The following ARFGEF3 variants were observed in gnomAD, a reference collection of about 807,000 sequenced individuals.
ARFGEF3 encodes brefeldin A-inhibited guanine nucleotide-exchange protein 3.
Under a neutral mutation model 221.7 loss-of-function variants are expected in ARFGEF3, and 96 were observed. The ratio of observed to expected loss-of-function variants is 0.43; its 90% CI spans 0.37 to 0.51. The LOEUF is 0.51. Ranked by LOEUF, ARFGEF3 falls within the 20% of genes least tolerant of loss-of-function variation. The pLI is 0.00. For synonymous variants in ARFGEF3, 1,145 were observed against 1,126.8 expected (o/e 1.02, Z -0.32); for missense variants, 2,410 against 2,789.9 (o/e 0.86, Z 3.07).
rs78487666 is a variant in ARFGEF3 at position 138,274,011 on chromosome 6, G to A, written c.2129-4440G>A. Among the ~76,000 whole-genome samples, 1,340 of 152,290 alleles carry A rather than the reference G, an allele frequency of 8.8e-3. 20 individuals carry two copies. The highest frequency in any genetic ancestry group is 0.03 in the African/African-American group (1,249 of 41,542). On this transcript the variant is annotated intron_variant, in intron 12 of 33. Coordinates refer to ENST00000251691, the MANE Select transcript of ARFGEF3 (RefSeq NM_020340.5). Reference sequence around the variant, plus strand: ...CCTGCAACAAAGGTAACCTGACAAAGTCTTTCCTATTGGGTGTCTCCACCA... The same window carrying A: ...CCTGCAACAAAGGTAACCTGACAAAATCTTTCCTATTGGGTGTCTCCACCA...
chr6:138,286,543 A>G (rs888706143), intron 15 of ARFGEF3, among the ~76,000 whole-genome samples, 158 bp from the exon 16 acceptor site: 1 of 152,260 alleles, frequency 6.6e-6, no homozygotes, highest in Non-Finnish European at 1.5e-5. Flanking sequence ...TTATAAGAAC[A>G]AAGTGAAACA....
At chr6:138,302,175 A>G (rs1201707515) in intron 22 of ARFGEF3, among the ~76,000 whole-genome samples, 2 of 152,236 alleles carry the variant, frequency 1.3e-5, no homozygotes, top group Non-Finnish European at 2.9e-5. Context: ...CAGAGCCTTC[A>G]AAGTAGCTAT....
chr6:138,320,359 T>G (rs1459701996), intron 28 of ARFGEF3, among the ~76,000 whole-genome samples: 3 of 152,004 alleles, frequency 2.0e-5, no homozygotes, highest in African/African-American at 7.3e-5. Context: ...GAAGAGAAAT[T>G]TCTTAATATT....
rs547035367 is a variant in ARFGEF3, at chr6:138,214,790, A to T, written c.351+4749A>T. Among the ~76,000 whole-genome samples the T allele has an allele frequency of 2.6e-5, 4 of 152,174 alleles. No homozygotes were observed. In the South Asian group the frequency reaches 8.3e-4, roughly 32 times the overall value. ...AAAGAAGACTTTCAATCAGAGGGTT[A>T]AAAAAAATCAGTGAAGCCTGCTTCT... On this transcript the variant is annotated intron_variant, in intron 4 of 33. Transcript: ENST00000251691.
Position 138,334,292 on chromosome 6 carries a change from AT to A in ARFGEF3, c.5449del (p.Tyr1817IlefsTer21). 1 of 1,613,722 alleles carries A rather than the reference AT, an allele frequency of 6.2e-7. No individual in the cohort carries two copies. The part of the protein sequence containing the change: ...LYRQSAMSFN[I>X]YFHALVCAVL... ...CCGCCAGTCTGCGATGAGCTTTAAC[AT>A]TTATTTCCACGCCCTGGTGTGTGCT... On this transcript the variant is annotated frameshift_variant, in exon 33 of 34. Coordinates refer to ENST00000251691, the MANE Select transcript of ARFGEF3 (RefSeq NM_020340.5). LOFTEE classifies it high-confidence loss of function. This position sits in a 1 kb window ranked among gnomAD's most constrained non-coding sequence, Gnocchi z 5.1.
chr6:138,285,433 G>A (rs1020272596), intron 14 of ARFGEF3, among the ~76,000 whole-genome samples: 9 of 147,298 alleles, frequency 6.1e-5, no homozygotes, highest in Non-Finnish European at 8.9e-5. Flanking sequence ...CAGCCTGGGC[G>A]ACAGAGTGAG....
intron 31 of ARFGEF3, among the ~76,000 whole-genome samples, chr6:138,327,137 G>C (rs1049125755): frequency 6.0e-4 from 92 of 152,296 alleles, no homozygotes; most frequent in Middle Eastern, 6.8e-3. Flanking sequence ...GCATCAGCAA[G>C]AACAGCTAAT....
rs1779475310 is a variant in ARFGEF3 at position 138,294,663 on chromosome 6, A to C, written c.3502+537A>C. Among the ~76,000 whole-genome samples, 2 of 152,230 alleles carry C rather than the reference A, an allele frequency of 1.3e-5. 1 individual carries two copies. The highest frequency in any genetic ancestry group is 4.1e-4 in the South Asian group (2 of 4,832). ...GTCTCCAATGAGGCCAGGTGAAGAAATAAGGCCCTCTTGAAGGCCAGTCTT... is the reference window on the plus strand; with the variant it reads ...GTCTCCAATGAGGCCAGGTGAAGAACTAAGGCCCTCTTGAAGGCCAGTCTT... On this transcript the variant is annotated intron_variant, in intron 20 of 33. Transcript: ENST00000251691.
Position 138,262,892 on chromosome 6 carries a change from A to T in ARFGEF3, c.1409A>T (p.Asp470Val). The T allele has an allele frequency of 6.2e-7, 1 of 1,613,370 alleles. No homozygotes were observed. Among genetic ancestry groups the T allele is most frequent in the Non-Finnish European group, 8.5e-7 (1 of 1,179,570 alleles). ...ELKDGAEWSR[D>V]SMEINEADFR... ...AAGGATGGGGCTGAGTGGAGCCGAG[A>T]TTCCATGGAGATCAATGAGGCTGAC... is the stretch of plus-strand genomic sequence containing the variant. The change falls in exon 12 of 34, where the codon GAT becomes GTT. Residue 470 changes from aspartate (D) to valine (V), a missense_variant. Asp to Val is a radical substitution (Grantham distance 152). Around this residue, in one of 5 missense-constraint regions of ARFGEF3, gnomAD observed 570 missense variants for 586.9 expected, o/e 0.97. Transcript: ENST00000251691.
chr6:138,286,381 C>T (rs1199770107), intron 15 of ARFGEF3, among the ~76,000 whole-genome samples: 3 of 147,498 alleles, frequency 2.0e-5, no homozygotes, highest in Middle Eastern at 3.2e-3. Context: ...ACCCGGGAGG[C>T]GGAGCTTTCA....
At chr6:138,197,760 C>T (rs749658599) in intron 2 of ARFGEF3, among the ~76,000 whole-genome samples, 3 of 152,162 alleles carry the variant, frequency 2.0e-5, no homozygotes, top group Non-Finnish European at 2.9e-5. Context: ...GCTCTCAGCA[C>T]GGTGACTGGC....
chr6:138,335,375 C>T (rs203142), intron 33 of ARFGEF3, among the ~76,000 whole-genome samples, 187 bp downstream of exon 33: 18,954 of 152,124 alleles, frequency 0.12, 1,436 homozygotes, highest in Middle Eastern at 0.18. Flanking sequence ...ATCAGTATGT[C>T]ATTATGAAGC....
chr6:138,253,842 C>A (rs769858035), intron 8 of ARFGEF3, 38 bp from the exon 9 acceptor site: 1 of 1,496,584 alleles, frequency 6.7e-7, no homozygotes, highest in South Asian at 1.2e-5. Context: ...TTTGCCTTGT[C>A]TTTTGTCTGC....
intron 10 of ARFGEF3, among the ~76,000 whole-genome samples, chr6:138,256,807 C>T (rs1778690911): frequency 6.6e-6 from 1 of 151,196 alleles, no homozygotes; most frequent in Non-Finnish European, 1.5e-5. Flanking sequence ...TATTTTGAGA[C>T]AGAGTCTCAC....
chr6:138,205,434 G>C (rs1052037229), intron 2 of ARFGEF3, among the ~76,000 whole-genome samples: 1 of 152,138 alleles, frequency 6.6e-6, no homozygotes, highest in Non-Finnish European at 1.5e-5. Context: ...ATGAAGTTCT[G>C]TGCTGCTTCT....
chr6:138,270,853 G>A (rs546676057), intron 12 of ARFGEF3, among the ~76,000 whole-genome samples: 3 of 152,304 alleles, frequency 2.0e-5, no homozygotes, highest in African/African-American at 7.2e-5. Context: ...TGGCATGGCT[G>A]TCAAGACTCT....
At position 138,291,239 on chromosome 6, in the gene ARFGEF3, G is replaced by A. The variant is rs1045487415; in HGVS notation, c.3048-494G>A. On this transcript the variant is annotated intron_variant, in intron 18 of 33. Coordinates refer to ENST00000251691, the MANE Select transcript of ARFGEF3 (RefSeq NM_020340.5). This position sits in a 1 kb window ranked among gnomAD's most constrained non-coding sequence, Gnocchi z 4.5. Reference sequence around the variant, plus strand: ...CAGACTTGAGTTATGTGGCGCCGTCGGGACCAGGCAGGACGTGGCTGGGCA... The same window carrying A: ...CAGACTTGAGTTATGTGGCGCCGTCAGGACCAGGCAGGACGTGGCTGGGCA... Among the ~76,000 whole-genome samples, 6 of 152,162 alleles carry A rather than the reference G, an allele frequency of 3.9e-5. No homozygotes were observed. The highest frequency in any genetic ancestry group is 9.7e-5 in the African/African-American group (4 of 41,436).
At position 138,323,641 on chromosome 6, in the gene ARFGEF3, A is replaced by AC. The variant is rs1562216346; in HGVS notation, c.4767-30_4767-29insC. The AC allele has an allele frequency of 5.0e-6, 8 of 1,599,320 alleles. No homozygotes were observed. In the African/African-American group the frequency reaches 5.4e-5, roughly 11 times the overall value. The stretch of plus-strand genomic sequence containing the variant: ...AAACAAACAACAACAACAACAAAAA[A>AC]AAAACTCCTTTACTTGTTTCTTTTG... On this transcript the variant is annotated intron_variant, in intron 29 of 33. Coordinates refer to ENST00000251691, the MANE Select transcript of ARFGEF3 (RefSeq NM_020340.5).
chr6:138,290,570 A>G (rs1475411736), intron 18 of ARFGEF3, among the ~76,000 whole-genome samples: 2 of 152,226 alleles, frequency 1.3e-5, no homozygotes, highest in Non-Finnish European at 2.9e-5. Flanking sequence ...GAAAACCAGC[A>G]ATAGCTCCAG....
Sources: gnomAD v4.1 joint callset for allele counts (sites outside exome capture counted in the v4.1 genomes callset) on GRCh38, gnomAD v4.1.1 for gene constraint, gnomAD v4.1.1 regional missense constraint, Gnocchi (gnomAD v3.1) non-coding constraint, MANE v1.5 for transcripts, NCBI Gene and HGNC (gene_info 2026-07-23, HGNC 2026-07-21) for gene names.